The following DSCAML1 variants were observed in gnomAD, a reference collection of about 807,000 sequenced individuals.
DSCAML1 encodes cell adhesion molecule DSCAML1.
DSCAML1 carries 38 observed loss-of-function variants against 200.5 expected under a neutral mutation model. That is an observed-to-expected ratio of 0.19 (90% confidence interval 0.15 to 0.25). The LOEUF is 0.25. Ranked by LOEUF, DSCAML1 falls within the 10% of genes least tolerant of loss-of-function variation. DSCAML1 has a pLI of 1.00. For missense variants in DSCAML1, 2,223 were observed against 2,858.8 expected (o/e 0.78, Z 5.07); for synonymous variants, 1,215 against 1,165.0 (o/e 1.04, Z -0.87).
intron 3 of DSCAML1, among the ~76,000 whole-genome samples, chr11:117,750,560 C>A (rs1356494939): frequency 1.3e-5 from 2 of 152,206 alleles, no homozygotes; most frequent in Non-Finnish European, 2.9e-5. Flanking sequence ...TACTCCCTGA[C>A]AAGCACACGG....
intron 3 of DSCAML1, among the ~76,000 whole-genome samples, chr11:117,733,789 G>C (rs1348686572): frequency 6.6e-6 from 1 of 151,042 alleles, no homozygotes. Context: ...CATGCATCTT[G>C]TCTTTTGGGG....
In DSCAML1 at chr11:117,524,869, G is replaced by T. The variant is rs1318625689; in HGVS notation, c.873C>A (p.Thr291=). The change falls in exon 5 of 33, where the codon ACC becomes ACA. Residue 291 remains threonine (T), a synonymous_variant. Coordinates refer to ENST00000651296, the MANE Select transcript of DSCAML1 (RefSeq NM_020693.4). Reference sequence around the variant, plus strand: ...AGGTGTTGGTGACCTCACAAATGTAGGTGCCGCTGTCCTCGGTCCGCAAGT... The same window carrying T: ...AGGTGTTGGTGACCTCACAAATGTATGTGCCGCTGTCCTCGGTCCGCAAGT... The part of the protein sequence containing the change: ...ISDLRTEDSG[T]YICEVTNTFG... The T allele has an allele frequency of 6.2e-7, 1 of 1,605,172 alleles. No homozygotes were observed. Among genetic ancestry groups the T allele is most frequent in the Non-Finnish European group, 8.5e-7 (1 of 1,175,844 alleles).
At chr11:117,688,240 C>G (rs1047353695) in intron 3 of DSCAML1, among the ~76,000 whole-genome samples, 2 of 152,204 alleles carry the variant, frequency 1.3e-5, no homozygotes, top group African/African-American at 4.8e-5. Flanking sequence ...GCAGAGAAGG[C>G]AGGGACAGGG....
intron 3 of DSCAML1, among the ~76,000 whole-genome samples, chr11:117,623,677 C>T (rs1028108667): frequency 2.6e-5 from 4 of 152,238 alleles, no homozygotes; most frequent in Admixed American, 2.6e-4. Flanking sequence ...GTAACACCTA[C>T]ACCTCATCAT....
rs897424459 is a variant in DSCAML1, at chr11:117,463,404, T to C, written c.3265+1538A>G. On this transcript the variant is annotated intron_variant, in intron 17 of 32. Coordinates refer to ENST00000651296, the MANE Select transcript of DSCAML1 (RefSeq NM_020693.4). This position sits in a 1 kb window ranked among gnomAD's most constrained non-coding sequence, Gnocchi z 4.0. The stretch of plus-strand genomic sequence containing the variant: ...TTAGAGATGGGGTCTTGCTGTATTG[T>C]CCATGCTGGACACCCGGATTAGAAA... Among the ~76,000 whole-genome samples, 4 of 151,672 alleles carry C rather than the reference T, an allele frequency of 2.6e-5. No individual in the cohort carries two copies. Among genetic ancestry groups the C allele is most frequent in the Admixed American group, 6.6e-5 (1 of 15,218 alleles).
At chr11:117,786,847 C>T (rs1254666460) in intron 1 of DSCAML1, among the ~76,000 whole-genome samples, 1 of 152,184 alleles carries the variant, frequency 6.6e-6, no homozygotes, top group Non-Finnish European at 1.5e-5. Context: ...TGCCACACCC[C>T]CTCAGAGACA....
chr11:117,433,243 T>A lies in DSCAML1; in HGVS notation c.4921A>T (p.Ser1641Cys). The change falls in exon 29 of 33, where the codon AGC becomes TGC. Residue 1641 changes from serine to cysteine, a missense_variant. Physicochemically the swap from Ser to Cys is moderately radical, Grantham distance 112. Around this residue, in one of 7 missense-constraint regions of DSCAML1, gnomAD observed 614 missense variants for 739.1 expected, o/e 0.83. Transcript: ENST00000651296. The part of the protein sequence containing the change: ...AEMLISKNNR[S>C]FDTPVKGPPQ... ...GGCCCTTTCACAGGGGTGTCAAAGC[T>A]TCTATTGTTCTTGCTGTGGGGAGAA... The A allele has an allele frequency of 6.2e-7, 1 of 1,610,750 alleles. No individual in the cohort carries two copies. The highest frequency in any genetic ancestry group is 8.5e-7 in the Non-Finnish European group (1 of 1,178,384).
At chr11:117,809,949 ACATT>A (rs1178247119) in intron 1 of DSCAML1, among the ~76,000 whole-genome samples, 2 of 141,466 alleles carry the variant, frequency 1.4e-5, no homozygotes, top group South Asian at 2.2e-4. Flanking sequence ...TCACATACAC[ACATT>A]CACACACTCA....
intron 3 of DSCAML1, among the ~76,000 whole-genome samples, chr11:117,653,557 A>T (rs1239145506): frequency 6.6e-6 from 1 of 152,168 alleles, no homozygotes; most frequent in Non-Finnish European, 1.5e-5. Flanking sequence ...AGAGAGGACC[A>T]ATGTGGGAGA....
At chr11:117,694,057 T>TATATATATATATATATATATATATATATA (rs1555199507) in intron 3 of DSCAML1, among the ~76,000 whole-genome samples, 1 of 116,636 alleles carries the variant, frequency 8.6e-6, no homozygotes, top group Non-Finnish European at 1.8e-5. Flanking sequence ...GGTTCTATCT[T>TATATATATATATATATATATATATATATA]TATATATATA....
chr11:117,508,506 G>T (rs1025052710), intron 8 of DSCAML1, among the ~76,000 whole-genome samples: 1 of 151,764 alleles, frequency 6.6e-6, no homozygotes, highest in Admixed American at 6.6e-5. Flanking sequence ...GAGGGCAGGG[G>T]GTACGGCAAG....
chr11:117,685,678 G>A lies in DSCAML1; in HGVS notation c.511+91113C>T, dbSNP rs184137898. On this transcript the variant is annotated intron_variant, in intron 3 of 32. Coordinates refer to ENST00000651296, the MANE Select transcript of DSCAML1 (RefSeq NM_020693.4). ...CTCCCCGGGAGGAGACGGAAAGCAC[G>A]CGTACCTCTGGGTGACTTCCAGTGG... Among the ~76,000 whole-genome samples, 3 of 152,346 alleles carry A rather than the reference G, an allele frequency of 2.0e-5. No individual in the cohort carries two copies. The East Asian group carries it at 5.8e-4, about 29-fold the overall frequency.
At chr11:117,683,288 G>A (rs1411915993) in intron 3 of DSCAML1, among the ~76,000 whole-genome samples, 1 of 152,206 alleles carries the variant, frequency 6.6e-6, no homozygotes, top group African/African-American at 2.4e-5. Flanking sequence ...GACAGAGCAC[G>A]GTTGGTCCCA....
intron 3 of DSCAML1, among the ~76,000 whole-genome samples, chr11:117,557,143 G>C (rs539157365): frequency 6.6e-6 from 1 of 152,316 alleles, no homozygotes; most frequent in East Asian, 1.9e-4. Flanking sequence ...GATGCCCGTA[G>C]TTAGTCTATG....
intron 3 of DSCAML1, among the ~76,000 whole-genome samples, chr11:117,586,125 A>G (rs1349655260): frequency 6.6e-6 from 1 of 152,172 alleles, no homozygotes; most frequent in Non-Finnish European, 1.5e-5. Context: ...GATCTAGGAA[A>G]TAGGCCAGGG....
chr11:117,564,882 C>G (rs925002369), intron 3 of DSCAML1, among the ~76,000 whole-genome samples: 6 of 152,090 alleles, frequency 3.9e-5, no homozygotes, highest in African/African-American at 1.4e-4. Context: ...TCCACTGCCT[C>G]AGCCTCCCAA....
intron 3 of DSCAML1, among the ~76,000 whole-genome samples, chr11:117,649,475 C>T (rs1048693833): frequency 6.6e-5 from 10 of 152,190 alleles, no homozygotes; most frequent in Non-Finnish European, 1.0e-4. Flanking sequence ...CCTGTTCTTG[C>T]AGGTGCCAAA....
chr11:117,766,972 G>T (rs2054908785), intron 3 of DSCAML1, among the ~76,000 whole-genome samples: 1 of 152,102 alleles, frequency 6.6e-6, no homozygotes, highest in Admixed American at 6.5e-5. Flanking sequence ...CCAGAGCTCT[G>T]GTGTACCCCT....
intron 3 of DSCAML1, among the ~76,000 whole-genome samples, chr11:117,610,277 T>C (rs1457458428): frequency 6.6e-6 from 1 of 152,180 alleles, no homozygotes; most frequent in Non-Finnish European, 1.5e-5. Context: ...CCGCCCCCTT[T>C]TGCGGCTACA....
Sources: allele counts gnomAD v4.1 joint callset (sites outside exome capture counted in the v4.1 genomes callset), GRCh38; gene constraint gnomAD v4.1.1; regional missense constraint gnomAD v4.1.1; non-coding constraint Gnocchi (gnomAD v3.1); transcripts MANE v1.5; gene names NCBI Gene and HGNC (gene_info 2026-07-23, HGNC 2026-07-21).